Variants in TAFA1 observed in about 807,000 individuals in gnomAD.
TAFA1 encodes the protein chemokine-like protein TAFA-1.
In TAFA1, 4 loss-of-function variants were observed where a neutral mutation model predicts 18.5. That is an observed-to-expected ratio of 0.22 (90% CI 0.11 to 0.49). TAFA1 has a LOEUF of 0.49. Ranked by LOEUF, TAFA1 falls within the 20% of genes least tolerant of loss-of-function variation. The pLI is 0.98. For synonymous variants in TAFA1, 56 were observed against 55.2 expected (o/e 1.01, Z -0.06); for missense variants, 147 against 169.0 (o/e 0.87, Z 0.72).
At chr3:68,062,936 G>A (rs1435572036) in intron 2 of TAFA1, among the ~76,000 whole-genome samples, 1 of 152,194 alleles carries the variant, frequency 6.6e-6, no homozygotes, top group African/African-American at 2.4e-5. Flanking sequence ...TTCAGTGGCA[G>A]TCTTAAGTCT....
chr3:68,388,154 C>T (rs753671334), intron 2 of TAFA1, among the ~76,000 whole-genome samples: 4 of 151,952 alleles, frequency 2.6e-5, no homozygotes, highest in African/African-American at 4.8e-5. Flanking sequence ...TCAGAGAAAT[C>T]GTGGCGGCTG....
intron 3 of TAFA1, among the ~76,000 whole-genome samples, chr3:68,454,781 C>T (rs532113951): frequency 2.0e-5 from 3 of 152,292 alleles, no homozygotes; most frequent in Non-Finnish European, 4.4e-5. Context: ...TGCTATGTCC[C>T]TAAGGCCAAC....
At chr3:68,109,810 G>A (rs114389663) in intron 2 of TAFA1, among the ~76,000 whole-genome samples, 1,633 of 152,140 alleles carry the variant, frequency 0.011, 30 homozygotes, top group African/African-American at 0.038. Flanking sequence ...AATGGTAGAG[G>A]CCAAACCATG....
At chr3:67,998,689 T>C in the TAFA1 span, among the ~76,000 whole-genome samples, 1 of 152,208 alleles carries the variant, frequency 6.6e-6, no homozygotes, top group African/African-American at 2.4e-5. Context: ...TTGGCAGCCA[T>C]GTTTCAGCCG....
intron 2 of TAFA1, among the ~76,000 whole-genome samples, chr3:68,381,423 C>A (rs1489196300): frequency 2.0e-4 from 30 of 151,932 alleles, no homozygotes; most frequent in Non-Finnish European, 1.5e-5. Context: ...TCTTCCATTT[C>A]TTTGTAGCCT....
At chr3:68,229,990 T>C (rs775610007) in intron 2 of TAFA1, among the ~76,000 whole-genome samples, 2 of 152,152 alleles carry the variant, frequency 1.3e-5, no homozygotes, top group Non-Finnish European at 2.9e-5. Context: ...CTTTTATGGA[T>C]ACACAAGAGT....
intron 3 of TAFA1, among the ~76,000 whole-genome samples, chr3:68,516,087 C>CAAGT (rs1358191223): frequency 6.6e-6 from 1 of 152,234 alleles, no homozygotes; most frequent in Non-Finnish European, 1.5e-5. Context: ...TTTGCAGTGA[C>CAAGT]ATACTTTCCT....
intron 2 of TAFA1, among the ~76,000 whole-genome samples, chr3:68,381,480 C>T (rs555033653): frequency 6.6e-6 from 1 of 152,216 alleles, no homozygotes; most frequent in South Asian, 2.1e-4. Flanking sequence ...TGAAGAGGTC[C>T]TTCACATCCC....
chr3:68,196,450 T>C (rs1305771718), intron 2 of TAFA1, among the ~76,000 whole-genome samples: 1 of 151,764 alleles, frequency 6.6e-6, no homozygotes, highest in Non-Finnish European at 1.5e-5. Context: ...ATATTTGTTC[T>C]GATTCACCTG....
intron 2 of TAFA1, among the ~76,000 whole-genome samples, chr3:68,014,117 C>G (rs956110729): frequency 1.9e-4 from 29 of 152,170 alleles, no homozygotes; most frequent in African/African-American, 7.0e-4. Flanking sequence ...ATTCAGAGGA[C>G]TTTTCTTATT....
chr3:68,056,675 G>C (rs2064540538), intron 2 of TAFA1, among the ~76,000 whole-genome samples: 1 of 152,160 alleles, frequency 6.6e-6, no homozygotes, highest in African/African-American at 2.4e-5. Context: ...TCCCAGTAGA[G>C]AAGCAAGGGT....
intron 2 of TAFA1, among the ~76,000 whole-genome samples, chr3:68,272,491 T>C (rs2067694641): frequency 6.6e-6 from 1 of 152,130 alleles, no homozygotes; most frequent in African/African-American, 2.4e-5. Context: ...GAATATATGG[T>C]TATTGAGTAT....
At chr3:68,166,079 C>T (rs148293054) in intron 2 of TAFA1, among the ~76,000 whole-genome samples, 74 of 148,842 alleles carry the variant, frequency 5.0e-4, no homozygotes, top group Non-Finnish European at 5.8e-4. Context: ...GAAAATTCTG[C>T]GCAAAGTCAT....
intron 3 of TAFA1, among the ~76,000 whole-genome samples, chr3:68,487,771 T>A (rs2072373320): frequency 7.1e-6 from 1 of 140,070 alleles, no homozygotes; most frequent in Non-Finnish European, 1.5e-5. Flanking sequence ...AAAAAAAAAT[T>A]CTGTGAGTGG....
At chr3:68,237,342 G>T (rs902279998) in intron 2 of TAFA1, among the ~76,000 whole-genome samples, 1 of 152,152 alleles carries the variant, frequency 6.6e-6, no homozygotes, top group East Asian at 1.9e-4. Context: ...CCTCCCCAAG[G>T]TTTCACCTTC....
intron 2 of TAFA1, among the ~76,000 whole-genome samples, chr3:68,291,955 G>A (rs1043192754): frequency 1.3e-5 from 2 of 152,084 alleles, no homozygotes; most frequent in African/African-American, 4.8e-5. Flanking sequence ...TATCTGGGAG[G>A]TGGCTTCCAG....
chr3:68,093,231 T>A (rs1049847734), intron 2 of TAFA1, among the ~76,000 whole-genome samples: 4 of 152,258 alleles, frequency 2.6e-5, no homozygotes, highest in Admixed American at 2.0e-4. Context: ...GCCTGGTCAC[T>A]GAGCCTCTTT....
intron 2 of TAFA1, among the ~76,000 whole-genome samples, chr3:68,383,738 G>C (rs915772263): frequency 4.6e-5 from 7 of 151,984 alleles, no homozygotes; most frequent in African/African-American, 1.7e-4. Flanking sequence ...TTTTGAAATA[G>C]TTTCATCAGG....
intron 2 of TAFA1, among the ~76,000 whole-genome samples, chr3:68,155,341 C>T (rs756678880): frequency 2.0e-5 from 3 of 152,164 alleles, no homozygotes; most frequent in Admixed American, 1.3e-4. Flanking sequence ...ATAGCACATT[C>T]GCATTTACCA....
Sources: allele counts gnomAD v4.1 joint callset (sites outside exome capture counted in the v4.1 genomes callset), GRCh38; gene constraint gnomAD v4.1.1; transcripts MANE v1.5; gene names NCBI Gene and HGNC (gene_info 2026-07-23, HGNC 2026-07-21).